The following CAPN8 variants were observed in gnomAD, a reference collection of about 807,000 sequenced individuals.
CAPN8 encodes calpain-8.
A neutral mutation model predicts 80.9 loss-of-function variants in CAPN8; 87 were observed. The ratio of observed to expected loss-of-function variants is 1.07; its 90% CI spans 0.90 to 1.28. The LOEUF is 1.28. Ranked by LOEUF, CAPN8 falls within the 50% of genes most tolerant of loss-of-function variation. The pLI, the probability that CAPN8 is intolerant of heterozygous loss-of-function variation, is 0.00. For synonymous variants in CAPN8, 299 were observed against 273.8 expected, an observed-to-expected ratio of 1.09 and a Z score of -0.91; for missense variants, 757 against 702.0, an observed-to-expected ratio of 1.08 and a Z score of -0.89.
chr1:223,625,488 G>T (rs576424867), intron 6 of CAPN8, among the ~76,000 whole-genome samples: 1 of 152,174 alleles, frequency 6.6e-6, no homozygotes, highest in African/African-American at 2.4e-5. Flanking sequence ...TAGCGATGAG[G>T]TCTTACTATG....
intron 2 of CAPN8, among the ~76,000 whole-genome samples, chr1:223,641,167 G>T (rs1295821927): frequency 1.3e-5 from 2 of 152,152 alleles, no homozygotes; most frequent in Non-Finnish European, 2.9e-5. Flanking sequence ...GAAGCAAAAA[G>T]TGTTGCTTCC....
Position 223,550,998 on chromosome 1 carries a change from T to C in CAPN8, c.1661A>G (p.Asn554Ser), listed in dbSNP as rs575069110. ...CTCATTCAAAAGTATCTTGAGTGCATTGGCAGTAATCTCAGAATCCTAGAA... is the reference window on the plus strand; with the variant it reads ...CTCATTCAAAAGTATCTTGAGTGCACTGGCAGTAATCTCAGAATCCTAGAA... ...LAGKDSEITA[N>S]ALKILLNEAF... The change falls in exon 15 of 21, where the codon AAT becomes AGT. Residue 554 changes from asparagine to serine, a missense_variant. By Grantham distance (46) the Asn-to-Ser change is conservative. Transcript: ENST00000366872. The C allele has an allele frequency of 4.2e-5, 30 of 718,366 alleles. No individual in the cohort carries two copies. The highest frequency in any genetic ancestry group is 4.0e-4 in the South Asian group (27 of 67,564). 44.5% of individuals were successfully genotyped at this position (718,366 alleles called of 1,614,324 possible).
At chr1:223,549,594 T>A in intron 15 of CAPN8, 1 of 740,152 alleles carries the variant, frequency 1.4e-6, no homozygotes, top group Non-Finnish European at 2.4e-6. Context: ...AGCACCAGCA[T>A]CCAAGTACAG....
rs879242644 is a variant in CAPN8 at position 223,619,397 on chromosome 1, G to A, written c.1031C>T (p.Ser344Phe). The A allele has an allele frequency of 3.4e-5, 52 of 1,551,560 alleles. No homozygotes were observed. The highest frequency in any genetic ancestry group is 4.4e-5 in the Non-Finnish European group (51 of 1,147,004). The change falls in exon 9 of 21, where the codon TCC becomes TTC. Residue 344 changes from serine (S) to phenylalanine (F), a missense_variant. By Grantham distance (155) the Ser-to-Phe change is radical. Transcript: ENST00000366872. Reference sequence around the variant, plus strand: ...CTCCTCGCTACTCAGAGAGTCCGGGGACAGGTTGCAGATCTCCAACCGAGA... The same window carrying A: ...CTCCTCGCTACTCAGAGAGTCCGGGAACAGGTTGCAGATCTCCAACCGAGA... ...QFSRLEICNL[S>F]PDSLSSEEVH...
At chr1:223,544,898 C>T (rs900999468) in intron 17 of CAPN8, 48 bp from the exon 18 acceptor site, 1 of 1,550,632 alleles carries the variant, frequency 6.4e-7, no homozygotes, top group East Asian at 2.4e-5. Flanking sequence ...TTCACGGCCC[C>T]TGCCAGAACC....
At chr1:223,630,125 CCAT>C (rs1268144976) in intron 2 of CAPN8, among the ~76,000 whole-genome samples, 1 of 152,170 alleles carries the variant, frequency 6.6e-6, no homozygotes, top group Non-Finnish European at 1.5e-5. Flanking sequence ...GCCAACATCT[CCAT>C]CATCACTCAG....
chr1:223,658,335 A>C (rs1658552681), intron 1 of CAPN8, among the ~76,000 whole-genome samples: 1 of 152,194 alleles, frequency 6.6e-6, no homozygotes. Flanking sequence ...AGACAATTAC[A>C]AGTGAAATAT....
chr1:223,611,740 G>T (rs1161041839), intron 11 of CAPN8, among the ~76,000 whole-genome samples: 1 of 152,190 alleles, frequency 6.6e-6, no homozygotes, highest in African/African-American at 2.4e-5. Flanking sequence ...TCAATAACAT[G>T]CACTTTGTGA....
At chr1:223,638,533 C>G (rs1027676277) in intron 2 of CAPN8, among the ~76,000 whole-genome samples, 1 of 152,134 alleles carries the variant, frequency 6.6e-6, no homozygotes, top group Non-Finnish European at 1.5e-5. Context: ...TCTCTCTCCC[C>G]GCCTGAGTAT....
At chr1:223,543,781 C>T (rs1439081110) in intron 19 of CAPN8, among the ~76,000 whole-genome samples, 3 of 152,222 alleles carry the variant, frequency 2.0e-5, no homozygotes, top group Admixed American at 6.5e-5. Context: ...TTCATCTTGG[C>T]CTAGTGACTG....
intron 9 of CAPN8, 25 bp from the exon 10 acceptor site, chr1:223,616,170 G>C (rs945385805): frequency 2.6e-6 from 4 of 1,538,008 alleles, no homozygotes; most frequent in Admixed American, 2.0e-5. Flanking sequence ...GGTGATGGTG[G>C]TTCCCCACGT....
intron 5 of CAPN8, among the ~76,000 whole-genome samples, chr1:223,626,469 T>C (rs149734369): frequency 0.013 from 1,986 of 152,182 alleles, 46 homozygotes; most frequent in African/African-American, 0.046. Context: ...GAGCCCGAGG[T>C]GGTGACAGGA....
At chr1:223,645,543 C>T (rs1056808122) in intron 2 of CAPN8, among the ~76,000 whole-genome samples, 1 of 152,172 alleles carries the variant, frequency 6.6e-6, no homozygotes, top group Non-Finnish European at 1.5e-5. Context: ...CGAGCCTAAG[C>T]CAAGTCTGAA....
chr1:223,630,357 G>T (rs1310248861), intron 2 of CAPN8, among the ~76,000 whole-genome samples: 1 of 151,976 alleles, frequency 6.6e-6, no homozygotes, highest in Non-Finnish European at 1.5e-5. Context: ...TCTTTTAAGA[G>T]ACAGGGTCTT....
chr1:223,661,990 A>G (rs1201506465), intron 1 of CAPN8, among the ~76,000 whole-genome samples: 1 of 152,236 alleles, frequency 6.6e-6, no homozygotes, highest in Non-Finnish European at 1.5e-5. Flanking sequence ...AACCTTTGAA[A>G]GGAAGGAAAT....
In CAPN8 at chr1:223,634,809, C is replaced by T. The variant is rs115627923; in HGVS notation, c.308-6029G>A. 6.0e-3 allele frequency among the ~76,000 whole-genome samples: 917 copies of T among 152,290 alleles called. 11 individuals carry two copies. Among genetic ancestry groups the T allele is most frequent in the African/African-American group, 0.021 (860 of 41,552 alleles). On this transcript the variant is annotated intron_variant, in intron 2 of 20. Coordinates refer to ENST00000366872, the MANE Select transcript of CAPN8 (RefSeq NM_001143962.2). ...CTCCCAAAGGCCCTACCTCCTAATA[C>T]CATCATATTGGATGTTAGGATTGCA...
chr1:223,651,002 G>A (rs1658329891), intron 2 of CAPN8, among the ~76,000 whole-genome samples: 1 of 152,142 alleles, frequency 6.6e-6, no homozygotes, highest in Non-Finnish European at 1.5e-5. Flanking sequence ...GTGCACCCTT[G>A]AGAGTCCACT....
chr1:223,649,755 G>A (rs1658296303), intron 2 of CAPN8, among the ~76,000 whole-genome samples: 1 of 152,206 alleles, frequency 6.6e-6, no homozygotes, highest in Non-Finnish European at 1.5e-5. Context: ...TAATAACGAT[G>A]ATAGGCAGGG....
intron 2 of CAPN8, among the ~76,000 whole-genome samples, chr1:223,648,028 T>G (rs1164472131): frequency 1.3e-5 from 2 of 152,196 alleles, no homozygotes; most frequent in South Asian, 2.1e-4. Context: ...CAAAGCAGAA[T>G]TCTTTCGTGC....
Sources: gnomAD v4.1 joint callset for allele counts (sites outside exome capture counted in the v4.1 genomes callset) on GRCh38, gnomAD v4.1.1 for gene constraint, MANE v1.5 for transcripts, NCBI Gene and HGNC (gene_info 2026-07-23, HGNC 2026-07-21) for gene names.